The following ADGRL3 variants were observed in gnomAD, a reference collection of about 807,000 sequenced individuals.
The protein encoded by ADGRL3 is adhesion G protein-coupled receptor L3, also known as calcium-independent alpha-latrotoxin receptor 3.
In ADGRL3, 62 loss-of-function variants were observed where a neutral mutation model predicts 153.5. That is an observed-to-expected ratio of 0.40 (90% CI 0.33 to 0.50). The LOEUF is 0.50. ADGRL3 is among the 20% of genes least tolerant of loss of function. ADGRL3 has a pLI of 0.47. For missense variants in ADGRL3, 1,641 were observed against 1,859.4 expected, an observed-to-expected ratio of 0.88 and a Z score of 2.16; for synonymous variants, 710 against 672.5, an observed-to-expected ratio of 1.06 and a Z score of -0.86.
chr4:62,034,328 A>G (rs1013902288), intron 23 of ADGRL3, among the ~76,000 whole-genome samples: 1 of 151,764 alleles, frequency 6.6e-6, no homozygotes, highest in African/African-American at 2.4e-5. Flanking sequence ...TTAAAATTTT[A>G]ACTATCTGGA....
At chr4:61,293,259 A>T (rs1252354174) in intron 1 of ADGRL3, among the ~76,000 whole-genome samples, 1 of 152,136 alleles carries the variant, frequency 6.6e-6, no homozygotes, top group African/African-American at 2.4e-5. Flanking sequence ...AGAGTATACG[A>T]TTCTCTTTCC....
intron 8 of ADGRL3, among the ~76,000 whole-genome samples, chr4:61,774,021 G>A (rs1379399505): frequency 6.6e-6 from 1 of 152,042 alleles, no homozygotes; most frequent in Non-Finnish European, 1.5e-5. Context: ...GCGGTCAACC[G>A]AGGTCTGCAA....
intron 5 of ADGRL3, among the ~76,000 whole-genome samples, chr4:61,623,534 G>A (rs761923046): frequency 6.6e-6 from 1 of 152,036 alleles, no homozygotes; most frequent in Non-Finnish European, 1.5e-5. Context: ...AAATATTTCT[G>A]TTTAGTTTTC....
chr4:61,374,520 T>G (rs983326020), intron 1 of ADGRL3, among the ~76,000 whole-genome samples: 2 of 152,152 alleles, frequency 1.3e-5, no homozygotes, highest in African/African-American at 2.4e-5. Context: ...CTGTGGAACA[T>G]GAAGCACATT....
At chr4:61,768,094 T>C (rs1274830679) in intron 8 of ADGRL3, among the ~76,000 whole-genome samples, 6 of 152,096 alleles carry the variant, frequency 3.9e-5, no homozygotes, top group Admixed American at 1.3e-4. Context: ...GGCTGGATTT[T>C]TATATTTGAT....
At chr4:61,484,639 T>C (rs546743733) in intron 2 of ADGRL3, among the ~76,000 whole-genome samples, 2 of 152,270 alleles carry the variant, frequency 1.3e-5, no homozygotes, top group African/African-American at 4.8e-5. Flanking sequence ...TTAGCACCTA[T>C]TAAGAACCCT....
chr4:61,818,420 A>G (rs11734361), intron 9 of ADGRL3, among the ~76,000 whole-genome samples: 24,238 of 152,240 alleles, frequency 0.16, 2,114 homozygotes, highest in African/African-American at 0.24. Context: ...GGCATTGAGC[A>G]TCTGCAGCTT....
intron 9 of ADGRL3, among the ~76,000 whole-genome samples, chr4:61,874,068 C>G (rs2098460350): frequency 6.6e-6 from 1 of 152,106 alleles, no homozygotes; most frequent in African/African-American, 2.4e-5. Flanking sequence ...TAATAAATAA[C>G]AATGCTACGG....
chr4:61,439,895 A>AT (rs1377443297), intron 2 of ADGRL3, among the ~76,000 whole-genome samples: 7 of 152,080 alleles, frequency 4.6e-5, no homozygotes, highest in African/African-American at 1.4e-4. Context: ...TCTTTTATAC[A>AT]TGTACACATG....
At chr4:61,499,987 G>GACAC (rs34740052) in intron 3 of ADGRL3, among the ~76,000 whole-genome samples, 1,411 of 138,918 alleles carry the variant, frequency 0.01, 21 homozygotes, top group African/African-American at 0.035. Context: ...CACACACACA[G>GACAC]ACACACACAC....
chr4:61,682,563 ATTT>A (rs10685495), intron 6 of ADGRL3, among the ~76,000 whole-genome samples: 26 of 136,254 alleles, frequency 1.9e-4, no homozygotes, highest in Admixed American at 5.5e-4. Context: ...CTTTAAAAAA[ATTT>A]TTTTTTTTTT....
At chr4:61,468,513 T>G (rs966299285) in intron 2 of ADGRL3, among the ~76,000 whole-genome samples, 3 of 152,188 alleles carry the variant, frequency 2.0e-5, no homozygotes, top group African/African-American at 7.2e-5. Context: ...GATTAGAGTT[T>G]AGATAAGATT....
chr4:61,778,715 G>A (rs1319013743), intron 8 of ADGRL3, among the ~76,000 whole-genome samples: 1 of 152,086 alleles, frequency 6.6e-6, no homozygotes, highest in Non-Finnish European at 1.5e-5. Flanking sequence ...GAATCCTTTT[G>A]ATGAGAGAAG....
At chr4:61,979,496 G>A in intron 17 of ADGRL3, 67 bp from the exon 18 acceptor site, 1 of 1,247,996 alleles carries the variant, frequency 8.0e-7, no homozygotes, top group Non-Finnish European at 1.2e-6. Flanking sequence ...GTGCATCCAG[G>A]CCCTTATAAA....
At chr4:61,929,601 C>T (rs755300989) in intron 13 of ADGRL3, among the ~76,000 whole-genome samples, 26 of 152,138 alleles carry the variant, frequency 1.7e-4, no homozygotes, top group Admixed American at 3.3e-4. Context: ...ATCCCTCAGC[C>T]AAGAGTTAGG....
chr4:61,451,325 T>C (rs1002948756), intron 2 of ADGRL3, among the ~76,000 whole-genome samples: 7 of 152,124 alleles, frequency 4.6e-5, no homozygotes, highest in African/African-American at 1.7e-4. Context: ...GACCTAAGTG[T>C]AACATATATA....
intron 9 of ADGRL3, among the ~76,000 whole-genome samples, chr4:61,822,953 T>C (rs1345391602): frequency 1.3e-5 from 2 of 152,206 alleles, no homozygotes; most frequent in African/African-American, 4.8e-5. Flanking sequence ...ATGCTCACGT[T>C]GAATACAGTG....
chr4:61,566,253 T>C (rs1398482000), intron 4 of ADGRL3, among the ~76,000 whole-genome samples: 2 of 152,308 alleles, frequency 1.3e-5, no homozygotes, highest in East Asian at 1.9e-4. Flanking sequence ...TCGCTTGTAG[T>C]TGGCTGTCAT....
At position 61,779,882 on chromosome 4, in the gene ADGRL3, C is replaced by T. The variant is rs191494203; in HGVS notation, c.1400-33927C>T. On this transcript the variant is annotated intron_variant, in intron 8 of 26. Transcript: ENST00000683033. Reference sequence around the variant, plus strand: ...TGCAAGGAGGCTATATAAATCACCCCGGGATCATGTTAAAATGCTGATTTT... The same window carrying T: ...TGCAAGGAGGCTATATAAATCACCCTGGGATCATGTTAAAATGCTGATTTT... Among the ~76,000 whole-genome samples the T allele has an allele frequency of 1.2e-4, 18 of 152,076 alleles. No homozygotes were observed. The East Asian group carries it at 2.3e-3, about 20-fold the overall frequency.
Sources: gnomAD v4.1 joint callset for allele counts (sites outside exome capture counted in the v4.1 genomes callset) on GRCh38, gnomAD v4.1.1 for gene constraint, MANE v1.5 for transcripts, NCBI Gene and HGNC (gene_info 2026-07-23, HGNC 2026-07-21) for gene names.